SLC35F4: variants seen among roughly 807,000 people sequenced by gnomAD.
SLC35F4 encodes solute carrier family 35 member F4.
A neutral mutation model predicts 44.2 loss-of-function variants in SLC35F4; 24 were observed. That is an observed-to-expected ratio of 0.54 (90% CI 0.39 to 0.76). SLC35F4 has a LOEUF of 0.76. Among genes scored for constraint, SLC35F4 ranks in the 30% least tolerant of loss-of-function variants. SLC35F4 has a pLI of 0.00. For missense variants in SLC35F4, 562 were observed against 586.1 expected, an observed-to-expected ratio of 0.96 and a Z score of 0.42; for synonymous variants, 238 against 223.6, an observed-to-expected ratio of 1.06 and a Z score of -0.57.
At chr14:57,643,447 A>C (rs1398623008) in intron 1 of SLC35F4, among the ~76,000 whole-genome samples, 1 of 152,132 alleles carries the variant, frequency 6.6e-6, no homozygotes, top group African/African-American at 2.4e-5. Flanking sequence ...ATGAGTACTT[A>C]CTATCTGTCA....
intron 1 of SLC35F4, among the ~76,000 whole-genome samples, chr14:57,607,848 G>T (rs1416863989): frequency 6.6e-6 from 1 of 152,336 alleles, no homozygotes; most frequent in Non-Finnish European, 1.5e-5. Context: ...AGACTGAACA[G>T]TATCGCAGAG....
At chr14:57,691,070 T>G (rs1337090159) in intron 1 of SLC35F4, among the ~76,000 whole-genome samples, 2 of 152,028 alleles carry the variant, frequency 1.3e-5, no homozygotes, top group African/African-American at 2.4e-5. Flanking sequence ...AAACATGAAG[T>G]AATGACATCT....
At chr14:57,640,887 T>C (rs1222730438) in intron 1 of SLC35F4, among the ~76,000 whole-genome samples, 2 of 152,014 alleles carry the variant, frequency 1.3e-5, no homozygotes, top group Non-Finnish European at 2.9e-5. Flanking sequence ...CATATAGATC[T>C]GATTGAAGGC....
At chr14:57,920,486 T>C (rs968223521) in intron 1 of SLC35F4, among the ~76,000 whole-genome samples, 2 of 152,092 alleles carry the variant, frequency 1.3e-5, no homozygotes, top group Non-Finnish European at 2.9e-5. Context: ...GGCAGGAAGA[T>C]TGCTTGAGCC....
chr14:57,816,984 G>A (rs1048714268), intron 1 of SLC35F4, among the ~76,000 whole-genome samples: 1 of 152,118 alleles, frequency 6.6e-6, no homozygotes, highest in African/African-American at 2.4e-5. Flanking sequence ...TGTATCTCAG[G>A]CTCCACTTTC....
At chr14:57,969,506 C>T (rs1880988849) in intron 1 of SLC35F4, among the ~76,000 whole-genome samples, 1 of 152,100 alleles carries the variant, frequency 6.6e-6, no homozygotes, top group African/African-American at 2.4e-5. Context: ...TAATATAACA[C>T]TTGTCTTTAC....
rs767754983 is a variant in SLC35F4 at position 57,848,600 on chromosome 14, G to A, written c.103+17123C>T. Among the ~76,000 whole-genome samples, 2 of 152,166 alleles carry A rather than the reference G, an allele frequency of 1.3e-5. 1 individual carries two copies. The highest frequency in any genetic ancestry group is 4.1e-4 in the South Asian group (2 of 4,822). Reference sequence around the variant, plus strand: ...TCTTTTGGGAGATGATTCTCCATGAGTCTTTCCTGCATTTCCACATATCAT... The same window carrying A: ...TCTTTTGGGAGATGATTCTCCATGAATCTTTCCTGCATTTCCACATATCAT... On this transcript the variant is annotated intron_variant, in intron 1 of 7. Coordinates refer to ENST00000556826, the MANE Select transcript of SLC35F4 (RefSeq NM_001306087.2).
intron 1 of SLC35F4, among the ~76,000 whole-genome samples, chr14:57,723,665 C>T (rs28801999): frequency 5.3e-5 from 8 of 152,140 alleles, no homozygotes; most frequent in Non-Finnish European, 1.0e-4. Flanking sequence ...TAAGGCCCAC[C>T]GGAAGTAATG....
intron 1 of SLC35F4, among the ~76,000 whole-genome samples, chr14:57,855,788 C>T (rs1321747167): frequency 2.6e-5 from 4 of 152,114 alleles, no homozygotes; most frequent in African/African-American, 9.7e-5. Context: ...TGGAACCAAC[C>T]CAAATGTCCA....
chr14:57,818,210 TA>T (rs1395348498), intron 1 of SLC35F4, among the ~76,000 whole-genome samples: 1 of 152,132 alleles, frequency 6.6e-6, no homozygotes, highest in Non-Finnish European at 1.5e-5. Context: ...CTCTCTCCAA[TA>T]ACTAAAATTC....
intron 1 of SLC35F4, among the ~76,000 whole-genome samples, chr14:57,761,934 C>T (rs2077134382): frequency 6.6e-6 from 1 of 152,006 alleles, no homozygotes; most frequent in Non-Finnish European, 1.5e-5. Context: ...TTGAGAGGCT[C>T]ACAGAACTGA....
At chr14:57,811,008 C>A (rs951613283) in intron 1 of SLC35F4, among the ~76,000 whole-genome samples, 1 of 152,140 alleles carries the variant, frequency 6.6e-6, no homozygotes, top group African/African-American at 2.4e-5. Flanking sequence ...TAAAACATTT[C>A]TTATAAATAT....
intron 1 of SLC35F4, among the ~76,000 whole-genome samples, chr14:57,949,644 G>A (rs907312613): frequency 1.3e-5 from 2 of 152,008 alleles, no homozygotes; most frequent in Non-Finnish European, 2.9e-5. Flanking sequence ...GCTTTAAGAA[G>A]GTTCTATTTT....
At chr14:57,736,070 G>A (rs1566807752) in intron 1 of SLC35F4, among the ~76,000 whole-genome samples, 1 of 152,140 alleles carries the variant, frequency 6.6e-6, no homozygotes, top group Non-Finnish European at 1.5e-5. Flanking sequence ...GGCTTAGGGA[G>A]ATAATGCTAC....
chr14:57,885,532 C>T (rs1214832450), intron 1 of SLC35F4, among the ~76,000 whole-genome samples: 1 of 152,122 alleles, frequency 6.6e-6, no homozygotes, highest in Non-Finnish European at 1.5e-5. Context: ...CTTTCACATA[C>T]TTTCCCTCTT....
At chr14:57,598,609 T>A (rs745498628) in intron 1 of SLC35F4, among the ~76,000 whole-genome samples, 1 of 152,172 alleles carries the variant, frequency 6.6e-6, no homozygotes, top group Admixed American at 6.5e-5. Flanking sequence ...AATGTCTCCA[T>A]GCGAACAAGT....
At chr14:57,835,602 T>C (rs1323644640) in intron 1 of SLC35F4, among the ~76,000 whole-genome samples, 3 of 152,226 alleles carry the variant, frequency 2.0e-5, no homozygotes, top group Non-Finnish European at 4.4e-5. Context: ...ATAACATTTC[T>C]GTCATGTAAT....
chr14:57,569,472 A>G (rs2068374545), intron 6 of SLC35F4, among the ~76,000 whole-genome samples: 1 of 152,172 alleles, frequency 6.6e-6, no homozygotes, highest in African/African-American at 2.4e-5. Flanking sequence ...CACACATGGA[A>G]CATTATAACA....
intron 1 of SLC35F4, among the ~76,000 whole-genome samples, chr14:57,963,258 C>T (rs1269841839): frequency 2.6e-5 from 4 of 152,200 alleles, no homozygotes; most frequent in Non-Finnish European, 5.9e-5. Context: ...GTCCAGCCTC[C>T]AGCAGGTCAG....
Sources: allele counts gnomAD v4.1 joint callset (sites outside exome capture counted in the v4.1 genomes callset), GRCh38; gene constraint gnomAD v4.1.1; transcripts MANE v1.5; gene names NCBI Gene and HGNC (gene_info 2026-07-23, HGNC 2026-07-21).